Variants in ROBO2 observed in about 807,000 individuals in gnomAD.
ROBO2 encodes roundabout homolog 2.
ROBO2 carries 53 observed loss-of-function variants against 160.8 expected under a neutral mutation model. The observed-to-expected ratio is 0.33, with a 90% CI of 0.26 to 0.41. The LOEUF (loss-of-function observed/expected upper bound fraction) is 0.41, where lower values mean the gene tolerates loss of function less well. ROBO2 is among the 10% of genes least tolerant of loss of function. ROBO2 has a pLI of 1.00. For synonymous variants in ROBO2, 664 were observed against 611.7 expected (o/e 1.09, Z -1.26); for missense variants, 1,577 against 1,722.4 (o/e 0.92, Z 1.49).
At chr3:76,750,992 A>C (rs1441876583) in intron 2 of ROBO2, among the ~76,000 whole-genome samples, 1 of 152,162 alleles carries the variant, frequency 6.6e-6, no homozygotes, top group African/African-American at 2.4e-5. Flanking sequence ...TGCCAAGACA[A>C]TCCTAAGCCA....
In ROBO2 at chr3:76,288,182, G is replaced by A. The variant is rs543262216; in HGVS notation, c.109+350580G>A. ...AACTAAACTAGTCTTTGAAAATGAAGTTGATCAAAGAAACATACAAATGTC... is the reference window on the plus strand; with the variant it reads ...AACTAAACTAGTCTTTGAAAATGAAATTGATCAAAGAAACATACAAATGTC... On this transcript the variant is annotated intron_variant, in intron 2 of 26. Coordinates refer to the ROBO2 transcript ENST00000487694. Among the ~76,000 whole-genome samples the A allele has an allele frequency of 6.6e-5, 10 of 150,886 alleles. No individual in the cohort carries two copies. The East Asian group carries it at 2.0e-3, about 30-fold the overall frequency.
intron 2 of ROBO2, among the ~76,000 whole-genome samples, chr3:76,812,980 G>C (rs2109018302): frequency 7.1e-6 from 1 of 141,738 alleles, no homozygotes; most frequent in Non-Finnish European, 1.5e-5. Flanking sequence ...ACTTGCTTAG[G>C]AGATTCCTCA....
intron 2 of ROBO2, among the ~76,000 whole-genome samples, chr3:77,123,175 A>G (rs1264640206): frequency 6.6e-6 from 1 of 152,212 alleles, no homozygotes; most frequent in African/African-American, 2.4e-5. Context: ...GACTGGGAGT[A>G]TTAACAATAG....
intron 2 of ROBO2, among the ~76,000 whole-genome samples, chr3:76,024,655 TAAAAATGAATTGG>T (rs1162832099): frequency 6.6e-6 from 1 of 151,660 alleles, no homozygotes; most frequent in African/African-American, 2.4e-5. Flanking sequence ...CTTTGCAGTT[TAAAAATGAATTGG>T]AAAAATGAAT....
intron 2 of ROBO2, among the ~76,000 whole-genome samples, chr3:76,640,349 G>A (rs1041520526): frequency 2.6e-5 from 4 of 152,068 alleles, no homozygotes; most frequent in African/African-American, 4.8e-5. Flanking sequence ...TGACCCACAC[G>A]GTGAAACCTC....
chr3:76,112,085 A>G (rs775294737), intron 2 of ROBO2, among the ~76,000 whole-genome samples: 2 of 151,988 alleles, frequency 1.3e-5, no homozygotes, highest in Non-Finnish European at 2.9e-5. Context: ...CTTCTATCCA[A>G]CCGTAACTGA....
chr3:77,493,429 A>C, intron 5 of ROBO2, 47 bp downstream of exon 5: 2 of 1,602,682 alleles, frequency 1.2e-6, no homozygotes, highest in Non-Finnish European at 1.7e-6. Context: ...CCAATGAATA[A>C]TTAGAAAATA....
chr3:76,885,552 G>A (rs900665339), intron 2 of ROBO2, among the ~76,000 whole-genome samples: 5 of 152,164 alleles, frequency 3.3e-5, no homozygotes, highest in African/African-American at 9.7e-5. Context: ...CAGGATGTGT[G>A]TTAGCTAAAA....
chr3:77,000,935 A>G (rs530951269), intron 2 of ROBO2, among the ~76,000 whole-genome samples: 24 of 152,262 alleles, frequency 1.6e-4, no homozygotes, highest in African/African-American at 5.5e-4. Flanking sequence ...AATTTCCAAA[A>G]CATGACATGA....
chr3:77,258,971 C>G (rs2058604855), intron 2 of ROBO2, among the ~76,000 whole-genome samples: 1 of 152,200 alleles, frequency 6.6e-6, no homozygotes, highest in African/African-American at 2.4e-5. Flanking sequence ...CATTCCAGCT[C>G]TGCTGAACAG....
At chr3:76,132,394 T>TG (rs11457451) in intron 2 of ROBO2, among the ~76,000 whole-genome samples, 1,090 of 32,158 alleles carry the variant, frequency 0.034, 34 homozygotes, top group Non-Finnish European at 0.13. Flanking sequence ...TCCAGACTGT[T>TG]GGGGGGGGGG....
intron 2 of ROBO2, among the ~76,000 whole-genome samples, chr3:77,430,667 G>T (rs934549836): frequency 9.2e-5 from 14 of 151,870 alleles, no homozygotes; most frequent in African/African-American, 3.1e-4. Flanking sequence ...CTACAGGAGG[G>T]CACCATCTCA....
intron 2 of ROBO2, among the ~76,000 whole-genome samples, chr3:77,146,735 A>G (rs892165880): frequency 6.6e-6 from 1 of 152,130 alleles, no homozygotes; most frequent in Non-Finnish European, 1.5e-5. Context: ...TGGGAGGCCG[A>G]GGAGGGCAGA....
intron 9 of ROBO2, among the ~76,000 whole-genome samples, chr3:77,561,717 T>A (rs528770014): frequency 2.0e-5 from 3 of 152,312 alleles, no homozygotes; most frequent in African/African-American, 7.2e-5. Flanking sequence ...CACATTTTTT[T>A]AATGATACTT....
chr3:77,574,071 A>T (rs1009660663), intron 13 of ROBO2, among the ~76,000 whole-genome samples: 6 of 151,982 alleles, frequency 3.9e-5, no homozygotes, highest in African/African-American at 1.4e-4. Flanking sequence ...ATAGACAAAG[A>T]ATGAGAATGG....
intron 2 of ROBO2, among the ~76,000 whole-genome samples, chr3:76,403,731 G>A (rs1356323830): frequency 3.3e-5 from 5 of 151,590 alleles, no homozygotes; most frequent in Admixed American, 6.6e-5. Flanking sequence ...TGTATTGAGG[G>A]GGAGTGATTG....
chr3:76,176,534 T>C (rs1009725209), intron 2 of ROBO2, among the ~76,000 whole-genome samples: 3 of 152,070 alleles, frequency 2.0e-5, no homozygotes, highest in Admixed American at 6.6e-5. Flanking sequence ...TATTTAAAAC[T>C]TGGAGTACAA....
At chr3:76,269,574 G>T (rs1707303061) in intron 2 of ROBO2, among the ~76,000 whole-genome samples, 1 of 127,838 alleles carries the variant, frequency 7.8e-6, no homozygotes. Context: ...CATTCAATAA[G>T]TTATGGTTAA....
intron 2 of ROBO2, among the ~76,000 whole-genome samples, chr3:76,526,442 GTTTGTT>G (rs553314646): frequency 2.6e-5 from 4 of 151,886 alleles, no homozygotes; most frequent in Non-Finnish European, 5.9e-5. Context: ...ATTAGACAGG[GTTTGTT>G]TTTACATGTT....
Sources: gnomAD v4.1 joint callset for allele counts (sites outside exome capture counted in the v4.1 genomes callset) on GRCh38, gnomAD v4.1.1 for gene constraint, MANE v1.5 for transcripts, NCBI Gene and HGNC (gene_info 2026-07-23, HGNC 2026-07-21) for gene names.